Variants in EPHA6 observed in about 807,000 individuals in gnomAD.
EPHA6 encodes EPH receptor A6.
EPHA6 carries 50 observed loss-of-function variants against 112.0 expected under a neutral mutation model. That is an observed-to-expected ratio of 0.45 (90% confidence interval 0.36 to 0.56). The LOEUF (loss-of-function observed/expected upper bound fraction) is 0.56. EPHA6 is among the 20% of genes least tolerant of loss of function. The pLI, the probability that EPHA6 is intolerant of heterozygous loss-of-function variation, is 0.00. For missense variants in EPHA6, 1,280 were observed against 1,417.4 expected (o/e 0.90, Z 1.56); for synonymous variants, 529 against 490.7 (o/e 1.08, Z -1.03).
At chr3:97,432,162 C>T (rs2089549982) in intron 6 of EPHA6, among the ~76,000 whole-genome samples, 1 of 152,036 alleles carries the variant, frequency 6.6e-6, no homozygotes, top group African/African-American at 2.4e-5. Context: ...GCTGACTTAT[C>T]CTACTAATTT....
intron 15 of EPHA6, among the ~76,000 whole-genome samples, chr3:97,724,555 C>A (rs2034673445): frequency 6.6e-6 from 1 of 151,992 alleles, no homozygotes; most frequent in African/African-American, 2.4e-5. Flanking sequence ...GATCACTTCC[C>A]AGGAGTTCCA....
At chr3:97,662,390 G>A (rs2094175730) in intron 14 of EPHA6, among the ~76,000 whole-genome samples, 1 of 152,180 alleles carries the variant, frequency 6.6e-6, no homozygotes, top group Non-Finnish European at 1.5e-5. Context: ...GGTGCCCTAA[G>A]AAAGGGATTC....
chr3:96,831,995 G>C lies in EPHA6; in HGVS notation c.385+16987G>C, dbSNP rs6807631. Among the ~76,000 whole-genome samples, 8 of 152,050 alleles carry C rather than the reference G, an allele frequency of 5.3e-5. No homozygotes were observed. The South Asian group carries it at 1.2e-3, about 24-fold the overall frequency. Reference sequence around the variant, plus strand: ...AATGCTGCAAGAGGAAATCTGATTGGCCTTGAGTGGGTCAAGCCCCTGCAT... The same window carrying C: ...AATGCTGCAAGAGGAAATCTGATTGCCCTTGAGTGGGTCAAGCCCCTGCAT... On this transcript the variant is annotated intron_variant, in intron 1 of 17. Coordinates refer to ENST00000389672, the MANE Select transcript of EPHA6 (RefSeq NM_001080448.3).
At chr3:97,337,665 A>G (rs2083120533) in intron 5 of EPHA6, among the ~76,000 whole-genome samples, 1 of 152,124 alleles carries the variant, frequency 6.6e-6, no homozygotes, top group African/African-American at 2.4e-5. Context: ...AACTTTAGGG[A>G]TGCCATATAT....
At chr3:97,624,934 C>G (rs1576116555) in intron 13 of EPHA6, among the ~76,000 whole-genome samples, 1 of 151,244 alleles carries the variant, frequency 6.6e-6, no homozygotes, top group Admixed American at 6.6e-5. Flanking sequence ...TCAGTCTTCT[C>G]TTCATTTTCT....
rs142254823 is a variant in EPHA6 at position 97,015,100 on chromosome 3, C to T, written c.1114+27107C>T. Among the ~76,000 whole-genome samples the T allele has an allele frequency of 3.2e-3, 487 of 152,164 alleles. 1 individual carries two copies. Among genetic ancestry groups the T allele is most frequent in the Non-Finnish European group, 4.1e-3 (281 of 67,990 alleles). On this transcript the variant is annotated intron_variant, in intron 3 of 17. Transcript: ENST00000389672. The stretch of plus-strand genomic sequence containing the variant: ...AAAATAATTACCAAAATCATTGTCT[C>T]CTCTTGATCAAATTTAACTCCCTTG...
In EPHA6 at chr3:96,854,210, C is replaced by T. The variant is rs1279496298; in HGVS notation, c.386-12615C>T. 5.0e-5 allele frequency among the ~76,000 whole-genome samples: 7 copies of T among 139,992 alleles called. No homozygotes were observed. The East Asian group carries it at 6.3e-4, about 13-fold the overall frequency. 91.8% of individuals were successfully genotyped at this position (139,992 alleles called of 152,430 possible). Reference sequence around the variant, plus strand: ...TTTTTTTTTTTTTGAGATGGAGTCTCGCTCTATCTCCCAGGCTGGAGTGCA... The same window carrying T: ...TTTTTTTTTTTTTGAGATGGAGTCTTGCTCTATCTCCCAGGCTGGAGTGCA... On this transcript the variant is annotated intron_variant, in intron 1 of 17. Coordinates refer to ENST00000389672, the MANE Select transcript of EPHA6 (RefSeq NM_001080448.3).
rs2088396464 is a variant in EPHA6, at chr3:96,952,120, G to C, written c.451-35210G>C. On this transcript the variant is annotated intron_variant, in intron 2 of 17. Transcript: ENST00000389672. ...CTTGTTCTCCATTGTACTAGGAAGA[G>C]ACCATCATCATTCAGCATTCCTCAC... 2.6e-5 allele frequency among the ~76,000 whole-genome samples: 4 copies of C among 152,138 alleles called. No individual in the cohort carries two copies. In the South Asian group the frequency reaches 8.3e-4, roughly 31 times the overall value.
rs398038939 is a variant in EPHA6 at position 97,328,079 on chromosome 3, A to AT, written c.1607-77071_1607-77070insT. On this transcript the variant is annotated intron_variant, in intron 5 of 17. Transcript: ENST00000389672. ...CATATATATATATATATATATATAT[A>AT]ACCTGTTTTGTATAATCATTCATTG... is the stretch of plus-strand genomic sequence containing the variant. Among the ~76,000 whole-genome samples the AT allele has an allele frequency of 7.1e-4, 99 of 138,612 alleles. 1 individual carries two copies. The highest frequency in any genetic ancestry group is 2.5e-3 in the African/African-American group (89 of 36,150). The allele number at this position is 138,612 out of a possible 152,430, so 90.9% of individuals were successfully genotyped here.
At chr3:97,475,261 T>C in intron 7 of EPHA6, 91 bp from the exon 8 acceptor site, 1 of 912,032 alleles carries the variant, frequency 1.1e-6, no homozygotes, top group Non-Finnish European at 1.7e-6. Flanking sequence ...TGGCATCCGT[T>C]ATTGTATTTT....
At chr3:97,730,702 T>C (rs2034996762) in intron 15 of EPHA6, among the ~76,000 whole-genome samples, 1 of 152,126 alleles carries the variant, frequency 6.6e-6, no homozygotes, top group Non-Finnish European at 1.5e-5. Flanking sequence ...AAAATGTTTA[T>C]GAAGATAAAG....
intron 4 of EPHA6, among the ~76,000 whole-genome samples, chr3:97,229,073 GT>G (rs548659518): frequency 6.6e-6 from 1 of 151,670 alleles, no homozygotes; most frequent in African/African-American, 2.4e-5. Flanking sequence ...GGATTATTTG[GT>G]TTTTTTTCTT....
intron 3 of EPHA6, among the ~76,000 whole-genome samples, chr3:97,168,185 T>G (rs1412902665): frequency 6.6e-6 from 1 of 151,424 alleles, no homozygotes; most frequent in Non-Finnish European, 1.5e-5. Context: ...TATAAAATAA[T>G]TAATTTTTTT....
At position 97,750,251 on chromosome 3, in the gene EPHA6, C is replaced by G. The variant is rs1417984213; in HGVS notation, c.*1550C>G. Among the ~76,000 whole-genome samples the G allele has an allele frequency of 6.6e-6, 1 of 150,914 alleles. No individual in the cohort carries two copies. The highest frequency in any genetic ancestry group is 2.4e-5 in the African/African-American group (1 of 41,056). ...TCAGTGATAATGGTGCCCTACCTAC[C>G]CTAATTCTCAAATTCCTATCTAAAT... On this transcript the variant is annotated 3_prime_UTR_variant, in exon 18 of 18. Transcript: ENST00000389672.
intron 10 of EPHA6, among the ~76,000 whole-genome samples, chr3:97,511,783 G>A (rs1279358479): frequency 1.3e-5 from 2 of 152,028 alleles, no homozygotes; most frequent in Non-Finnish European, 2.9e-5. Flanking sequence ...AAAACCAAAA[G>A]AAGTGAAGAA....
intron 5 of EPHA6, among the ~76,000 whole-genome samples, chr3:97,253,875 A>G (rs1170076657): frequency 1.3e-5 from 2 of 151,924 alleles, no homozygotes; most frequent in African/African-American, 4.8e-5. Flanking sequence ...ATTTTGACCT[A>G]TTTATTTAGT....
At chr3:96,921,323 A>C (rs2039751370) in intron 2 of EPHA6, among the ~76,000 whole-genome samples, 1 of 152,088 alleles carries the variant, frequency 6.6e-6, no homozygotes, top group Non-Finnish European at 1.5e-5. Flanking sequence ...TGATATTAAT[A>C]TTTTTCAAAT....
At chr3:97,444,528 A>G (rs932054539) in intron 6 of EPHA6, among the ~76,000 whole-genome samples, 5 of 152,214 alleles carry the variant, frequency 3.3e-5, no homozygotes, top group Admixed American at 6.5e-5. Context: ...TATACATACC[A>G]TGAGATTCAA....
At chr3:97,507,504 G>C (rs2092278639) in intron 10 of EPHA6, among the ~76,000 whole-genome samples, 1 of 152,164 alleles carries the variant, frequency 6.6e-6, no homozygotes, top group Non-Finnish European at 1.5e-5. Context: ...TTGCATCCCA[G>C]GGGTGAAGCT....
Sources: gnomAD v4.1 joint callset for allele counts (sites outside exome capture counted in the v4.1 genomes callset) on GRCh38, gnomAD v4.1.1 for gene constraint, MANE v1.5 for transcripts, NCBI Gene and HGNC (gene_info 2026-07-23, HGNC 2026-07-21) for gene names.